The following TBCK variants were observed in gnomAD, a reference collection of about 807,000 sequenced individuals.
The protein encoded by TBCK is TBC domain-containing protein kinase-like protein.
TBCK carries 99 observed loss-of-function variants against 113.4 expected under a neutral mutation model. The observed-to-expected ratio is 0.87, with a 90% CI of 0.74 to 1.03. The LOEUF (loss-of-function observed/expected upper bound fraction) is 1.03. Among genes scored for constraint, TBCK ranks in the 50% least tolerant of loss-of-function variants. The pLI is 0.00. For missense variants in TBCK, 1,045 were observed against 1,061.3 expected (o/e 0.98, Z 0.21); for synonymous variants, 369 against 370.8 (o/e 1.00, Z 0.05).
At position 106,304,477 on chromosome 4, in the gene TBCK, C is replaced by T. The variant is rs529041378; in HGVS notation, c.193+4291G>A. Among the ~76,000 whole-genome samples the T allele has an allele frequency of 4.6e-5, 7 of 152,198 alleles. No homozygotes were observed. In the East Asian group the frequency reaches 7.7e-4, roughly 17 times the overall value. On this transcript the variant is annotated intron_variant, in intron 2 of 25. Coordinates refer to ENST00000394708, the MANE Select transcript of TBCK (RefSeq NM_001163435.3). ...AAGCTTTAAATTGATATTTTTTCCA[C>T]GTTTAAGTATCTAGAAATTAATTTC...
intron 18 of TBCK, 31 bp from the exon 19 acceptor site, chr4:106,230,477 A>C: frequency 7.0e-7 from 1 of 1,425,316 alleles, no homozygotes; most frequent in Non-Finnish European, 9.7e-7. Flanking sequence ...GGCATGTAAA[A>C]AATTAGTTAA....
chr4:106,157,554 T>C (rs1400995745), intron 23 of TBCK, among the ~76,000 whole-genome samples: 1 of 151,946 alleles, frequency 6.6e-6, no homozygotes, highest in Non-Finnish European at 1.5e-5. Flanking sequence ...CTGGCTAGAG[T>C]TGGTTTAAAT....
chr4:106,171,977 T>C (rs1277519779), intron 22 of TBCK, among the ~76,000 whole-genome samples: 1 of 152,028 alleles, frequency 6.6e-6, no homozygotes, highest in Non-Finnish European at 1.5e-5. Flanking sequence ...ATTACAGGCC[T>C]ATGCCACAAC....
chr4:106,048,995 T>C (rs1734508825), intron 25 of TBCK, among the ~76,000 whole-genome samples: 1 of 152,106 alleles, frequency 6.6e-6, no homozygotes, highest in African/African-American at 2.4e-5. Flanking sequence ...AGAAGCAGGC[T>C]GTGTTTAAGA....
upstream of TBCK, chr4:106,316,544 C>G (rs1165779559): frequency 1.3e-6 from 2 of 1,551,494 alleles, no homozygotes; most frequent in Non-Finnish European, 8.7e-7. Context: ...GTGGCTGGAC[C>G]TACATGCTTC....
chr4:106,127,107 C>G (rs1406810524), intron 23 of TBCK, among the ~76,000 whole-genome samples: 2 of 149,718 alleles, frequency 1.3e-5, no homozygotes, highest in Non-Finnish European at 3.0e-5. Context: ...ACTCGGGAGG[C>G]TGAGGCAGGA....
intron 4 of TBCK, 25 bp downstream of exon 4, chr4:106,262,073 A>T (rs774047921): frequency 2.0e-4 from 268 of 1,355,100 alleles, no homozygotes; most frequent in Admixed American, 2.8e-4. Context: ...ATATATAAAT[A>T]TTTATTACAT....
chr4:106,063,123 G>A (rs1408560276), intron 25 of TBCK, among the ~76,000 whole-genome samples: 2 of 151,964 alleles, frequency 1.3e-5, no homozygotes, highest in East Asian at 1.9e-4. Context: ...CATGTTCAAG[G>A]TGCATTAATA....
chr4:106,179,467 A>G (rs1431882129), intron 22 of TBCK, among the ~76,000 whole-genome samples: 1 of 152,020 alleles, frequency 6.6e-6, no homozygotes, highest in African/African-American at 2.4e-5. Context: ...TGTTAAATAC[A>G]GGAATACTAT....
intron 21 of TBCK, 135 bp from the exon 22 acceptor site, chr4:106,193,905 T>G: frequency 1.8e-6 from 1 of 566,402 alleles, no homozygotes; most frequent in Non-Finnish European, 2.9e-6. Context: ...TACCAAACTC[T>G]TTTTATGAAA....
chr4:106,116,024 T>C (rs928802542), intron 24 of TBCK, among the ~76,000 whole-genome samples, 179 bp downstream of exon 24: 1 of 152,242 alleles, frequency 6.6e-6, no homozygotes, highest in Admixed American at 6.5e-5. Flanking sequence ...CTCTGGTATG[T>C]AATGTTATCT....
chr4:106,075,320 A>G (rs977856588), intron 25 of TBCK, among the ~76,000 whole-genome samples: 2 of 152,272 alleles, frequency 1.3e-5, no homozygotes, highest in African/African-American at 4.8e-5. Context: ...GGATTGAAGC[A>G]TACTAGCTGA....
At chr4:106,305,624 G>A (rs953156773) in intron 2 of TBCK, among the ~76,000 whole-genome samples, 10 of 152,160 alleles carry the variant, frequency 6.6e-5, no homozygotes, top group Non-Finnish European at 1.3e-4. Context: ...ACTCCATCTT[G>A]AATAGGGGCT....
intron 23 of TBCK, among the ~76,000 whole-genome samples, chr4:106,128,976 T>C (rs567703931): frequency 6.6e-6 from 1 of 152,352 alleles, no homozygotes; most frequent in African/African-American, 2.4e-5. Context: ...AAGAAAAGGA[T>C]GTCATGTCAA....
chr4:106,219,458 G>A (rs190000815), intron 19 of TBCK, among the ~76,000 whole-genome samples: 7 of 151,752 alleles, frequency 4.6e-5, no homozygotes, highest in Admixed American at 4.6e-4. Context: ...TAATCAGAAA[G>A]TAGAGATACG....
At chr4:106,270,753 T>G (rs1033767553) in intron 3 of TBCK, among the ~76,000 whole-genome samples, 1 of 152,208 alleles carries the variant, frequency 6.6e-6, no homozygotes, top group Non-Finnish European at 1.5e-5. Context: ...GATTGCTTAT[T>G]ACAGCATCTG....
chr4:106,107,738 A>G (rs1742340059), intron 24 of TBCK, among the ~76,000 whole-genome samples: 1 of 152,198 alleles, frequency 6.6e-6, no homozygotes, highest in Admixed American at 6.5e-5. Context: ...GAGAAGTGAG[A>G]ACAAAACAAC....
intron 11 of TBCK, among the ~76,000 whole-genome samples, chr4:106,243,148 A>C (rs1760365991): frequency 6.6e-6 from 1 of 152,152 alleles, no homozygotes; most frequent in African/African-American, 2.4e-5. Context: ...CAATGTATTG[A>C]GATTTCTTCA....
At chr4:106,061,667 AGT>A (rs61139916) in intron 25 of TBCK, among the ~76,000 whole-genome samples, 123 of 147,838 alleles carry the variant, frequency 8.3e-4, no homozygotes, top group Non-Finnish European at 1.3e-3. Context: ...TGTTTCTGTG[AGT>A]GTGTGTGTGT....
Sources: allele counts gnomAD v4.1 joint callset (sites outside exome capture counted in the v4.1 genomes callset), GRCh38; gene constraint gnomAD v4.1.1; transcripts MANE v1.5; gene names NCBI Gene and HGNC (gene_info 2026-07-23, HGNC 2026-07-21).